Variants in ARSD observed in about 807,000 individuals in gnomAD.
The protein encoded by ARSD is arylsulfatase D, also known as testis tissue sperm-binding protein Li 39a.
Under a neutral mutation model 32.6 loss-of-function variants are expected in ARSD, and 21 were observed. The observed-to-expected ratio is 0.64, with a 90% confidence interval of 0.46 to 0.93. ARSD has a LOEUF of 0.93. Among genes scored for constraint, ARSD ranks in the 40% least tolerant of loss-of-function variants. The pLI is 0.00. For synonymous variants in ARSD, 224 were observed against 237.4 expected (o/e 0.94, Z 0.52); for missense variants, 454 against 520.9 (o/e 0.87, Z 1.25).
At chrX:2,914,009 G>A (rs766327479) in intron 6 of ARSD, 16 of 479,005 alleles carry the variant, frequency 3.3e-5, no homozygotes, top group South Asian at 2.9e-4. Flanking sequence ...AAAGCTCCCC[G>A]AGGTCTCCCC....
Position 2,907,001 on chromosome X carries a change from T to C in ARSD, c.*270A>G, listed in dbSNP as rs5939392. 20,720 of 254,964 alleles carry C rather than the reference T, an allele frequency of 0.081. 1,329 individuals carry two copies. Among genetic ancestry groups the C allele is most frequent in the East Asian group, 0.37 (4,620 of 12,438 alleles). 21.0% of individuals were successfully genotyped at this position (254,964 alleles called of 1,213,427 possible). A position where few individuals can be genotyped will look rare whatever the true frequency, so the allele number is the denominator to read the frequency against. On this transcript the variant is annotated 3_prime_UTR_variant, in exon 10 of 10. Coordinates refer to ENST00000381154, the MANE Select transcript of ARSD (RefSeq NM_001669.4). ...GGCAGGTGCCTGGTGCCTGTAATCC[T>C]GGGTACTCAGGAGGCTGAGGCAGGA...
chrX:2,915,160 T>C (rs2088943628), intron 6 of ARSD, among the ~76,000 whole-genome samples: 1 of 111,100 alleles, frequency 9.0e-6, no homozygotes, highest in Non-Finnish European at 1.9e-5. Flanking sequence ...TCTTATTCTT[T>C]TTCTTTTTTT....
At chrX:2,914,630 C>G (rs1479606281) in intron 6 of ARSD, 2 of 1,023,906 alleles carry the variant, frequency 2.0e-6, no homozygotes, top group Admixed American at 5.0e-5. Flanking sequence ...AATGTCTATG[C>G]TCTTTTAAGA....
chrX:2,913,544 A>C, intron 6 of ARSD: 1 of 980,756 alleles, frequency 1.0e-6, no homozygotes, highest in Non-Finnish European at 1.3e-6. Context: ...TTGTCTCGGG[A>C]GATATGTTCA....
At position 2,917,837 on chromosome X, in the gene ARSD, A is replaced by C. The variant is rs1603461173; in HGVS notation, c.830T>G (p.Leu277Arg). The change falls in exon 5 of 10, where the codon CTT becomes CGT. Residue 277 changes from leucine to arginine, a missense_variant. This residue lies in a region of ARSD where 271 missense variants were observed against 301.0 expected (regional missense o/e 0.90). Transcript: ENST00000381154. ...QPMVLEKTAS[L>R]MLKEAVSYIE... ...ATAGGAAACAGCTTCCTTTAGCATA[A>C]GACTCGCTGTTTTCTCCAGAACCAT... The C allele has an allele frequency of 1.7e-6, 2 of 1,210,744 alleles. No individual in the cohort carries two copies. The highest frequency in any genetic ancestry group is 2.2e-6 in the Non-Finnish European group (2 of 894,710).
At chrX:2,912,668 C>T (rs2088912297) in intron 6 of ARSD, among the ~76,000 whole-genome samples, 1 of 111,558 alleles carries the variant, frequency 9.0e-6, no homozygotes, top group Non-Finnish European at 1.9e-5. Context: ...CTTTTTTAAA[C>T]ATAGTGCCGT....
At chrX:2,913,349 G>A in intron 6 of ARSD, 1 of 154,106 alleles carries the variant, frequency 6.5e-6, no homozygotes, top group Non-Finnish European at 1.1e-5. Context: ...CTGTGTGGAT[G>A]TTCATGCTGC....
chrX:2,928,916 C>T (rs2089120781), intron 1 of ARSD, among the ~76,000 whole-genome samples: 1 of 112,239 alleles, frequency 8.9e-6, no homozygotes, highest in South Asian at 3.7e-4. Flanking sequence ...GGGTCCCGGC[C>T]AGCCTTCCTC....
Position 2,907,310 on chromosome X carries a change from C to A in ARSD, c.1743G>T (p.Pro581=), listed in dbSNP as rs150423453. 3.3e-6 allele frequency: 4 copies of A among 1,210,028 alleles called. No homozygotes were observed. The highest frequency in any genetic ancestry group is 3.5e-5 in the African/African-American group (2 of 57,416). The part of the protein sequence containing the change: ...PWLQPCCGHF[P]FCSCHEDGDG... ...CCCCATCCTCGTGGCATGAACAGAACGGGAAATGTCCGCAGCACGGCTGCA... is the reference window on the plus strand; with the variant it reads ...CCCCATCCTCGTGGCATGAACAGAAAGGGAAATGTCCGCAGCACGGCTGCA... Residue 581 remains proline (P), a synonymous_variant, in exon 10 of 10, where the codon CCG becomes CCT. Transcript: ENST00000381154.
At chrX:2,914,646 C>T in intron 6 of ARSD, 2 of 1,026,610 alleles carry the variant, frequency 1.9e-6, no homozygotes, top group Non-Finnish European at 1.3e-6. Context: ...TAAGAATCTG[C>T]AGCCTCACTG....
Position 2,917,638 on chromosome X carries a change from T to A in ARSD, c.863+166A>T, listed in dbSNP as rs181089806. Among the ~76,000 whole-genome samples the A allele has an allele frequency of 3.3e-3, 362 of 110,223 alleles. 3 individuals are homozygous for A. Among genetic ancestry groups the A allele is most frequent in the African/African-American group, 0.012 (350 of 30,389 alleles). On this transcript the variant is annotated intron_variant, in intron 5 of 9. Transcript: ENST00000381154. ...GCAGGCACACACCACTATGCCCGGC[T>A]AATGATTTTATTTATTGTAGAACCT...
chrX:2,908,391 CATCTATCCATT>C (rs1483458764), intron 9 of ARSD, among the ~76,000 whole-genome samples: 1 of 110,118 alleles, frequency 9.1e-6, no homozygotes, highest in Non-Finnish European at 1.9e-5. Flanking sequence ...ATCTATCCAT[CATCTATCCATT>C]ATCTATCATC....
Position 2,905,544 on chromosome X carries a change from C to T in ARSD, c.*1727G>A, listed in dbSNP as rs1043272. 18,268 of 112,258 alleles carry T rather than the reference C, an allele frequency of 0.16. 2,129 individuals carry two copies. The highest frequency in any genetic ancestry group is 0.44 in the East Asian group (1,524 of 3,491). 9.3% of individuals were successfully genotyped at this position (112,258 alleles called of 1,213,427 possible). A position where few individuals can be genotyped will look rare whatever the true frequency, so the allele number is the denominator to read the frequency against. On this transcript the variant is annotated 3_prime_UTR_variant, in exon 10 of 10. Coordinates refer to ENST00000381154, the MANE Select transcript of ARSD (RefSeq NM_001669.4). Reference sequence around the variant, plus strand: ...ATTTGAGGAATGTAGGGAGAAAAGCCACCTTCTCTCTCTATGTCTGAAGGT... The same window carrying T: ...ATTTGAGGAATGTAGGGAGAAAAGCTACCTTCTCTCTCTATGTCTGAAGGT...
chrX:2,915,696 AAAG>A lies in ARSD; in HGVS notation c.864-7_864-5del. The A allele has an allele frequency of 8.3e-7, 1 of 1,208,652 alleles. No individual in the cohort carries two copies. Reference sequence around the variant, plus strand: ...GAGAAATGGCCCATGCTTGTGTCTGAAAGAAGAAAACTTCCTTGAGAATACACA... The same window carrying A: ...GAGAAATGGCCCATGCTTGTGTCTGAAAGAAAACTTCCTTGAGAATACACA... On this transcript the variant is annotated splice_polypyrimidine_tract_variant and splice_region_variant and intron_variant, in intron 5 of 9. Transcript: ENST00000381154.
At chrX:2,926,560 T>A (rs2089084404) in intron 1 of ARSD, among the ~76,000 whole-genome samples, 1 of 111,317 alleles carries the variant, frequency 9.0e-6, no homozygotes, top group African/African-American at 3.3e-5. Flanking sequence ...GAGGCCTGCA[T>A]TAGTGAGACC....
chrX:2,919,720 C>A (rs1365490194), intron 4 of ARSD, among the ~76,000 whole-genome samples: 1 of 111,599 alleles, frequency 9.0e-6, no homozygotes, highest in Non-Finnish European at 1.9e-5. Context: ...GGGTGGGTGC[C>A]AGGCAGTGAG....
intron 6 of ARSD, chrX:2,914,532 G>A: frequency 3.1e-6 from 3 of 952,547 alleles, no homozygotes; most frequent in Non-Finnish European, 4.0e-6. Context: ...GAGCCACCTT[G>A]CCCCACCTGA....
At position 2,905,108 on chromosome X, in the gene ARSD, G is replaced by T. The variant is rs1006354660; in HGVS notation, c.*2163C>A. On this transcript the variant is annotated 3_prime_UTR_variant, in exon 10 of 10. Coordinates refer to ENST00000381154, the MANE Select transcript of ARSD (RefSeq NM_001669.4). ...GAGCCAGGGGAGAGGGGCATCAGCTGCCTGGTTAGCAGGGCTGTGATGATT... is the reference window on the plus strand; with the variant it reads ...GAGCCAGGGGAGAGGGGCATCAGCTTCCTGGTTAGCAGGGCTGTGATGATT... The T allele has an allele frequency of 8.9e-6, 3 of 336,105 alleles. No homozygotes were observed. The highest frequency in any genetic ancestry group is 8.1e-5 in the African/African-American group (3 of 37,007). 27.7% of individuals were successfully genotyped at this position (336,105 alleles called of 1,213,427 possible). A position where few individuals can be genotyped will look rare whatever the true frequency, so the allele number is the denominator to read the frequency against.
chrX:2,914,456 T>G, intron 6 of ARSD: 1 of 679,216 alleles, frequency 1.5e-6, no homozygotes, highest in Non-Finnish European at 1.9e-6. Context: ...CCCAGGCTGG[T>G]CTTGAACTCC....
Sources: allele counts gnomAD v4.1 joint callset (sites outside exome capture counted in the v4.1 genomes callset), GRCh38; gene constraint gnomAD v4.1.1; regional missense constraint gnomAD v4.1.1; transcripts MANE v1.5; gene names NCBI Gene and HGNC (gene_info 2026-07-23, HGNC 2026-07-21).